The following ATXN10 variants were observed in gnomAD, a reference collection of about 807,000 sequenced individuals.
The protein encoded by ATXN10 is ataxin 10.
A neutral mutation model predicts 52.9 loss-of-function variants in ATXN10; 28 were observed. The ratio of observed to expected loss-of-function variants is 0.53; its 90% CI spans 0.39 to 0.73. ATXN10 has a LOEUF of 0.73. ATXN10 is among the 30% of genes least tolerant of loss of function. The probability of loss-of-function intolerance (pLI) is 0.00; values close to 1 mark genes in which losing one functional copy is unlikely to be tolerated. For missense variants in ATXN10, 565 were observed against 577.0 expected, an observed-to-expected ratio of 0.98 and a Z score of 0.21; for synonymous variants, 226 against 221.5, an observed-to-expected ratio of 1.02 and a Z score of -0.18.
intron 10 of ATXN10, among the ~76,000 whole-genome samples, chr22:45,813,998 A>C (rs945412691): frequency 3.9e-5 from 6 of 152,240 alleles, no homozygotes; most frequent in African/African-American, 1.4e-4. Flanking sequence ...GGACCAATTT[A>C]ATGTCCATAG....
At position 45,738,831 on chromosome 22, in the gene ATXN10, G is replaced by T; in HGVS notation, c.995G>T (p.Arg332Ile). ...YLQVFPGLLE[R>I]VIDLLRVIHV... ...CAGGTTTTCCCTGGCTTGCTGGAAA[G>T]AGTGATTGGTGAGTGAAATATCACA... The change falls in exon 8 of 12, where the codon AGA becomes ATA. Residue 332 changes from arginine to isoleucine, a missense_variant. Arg to Ile is a moderately conservative substitution (Grantham distance 97). Transcript: ENST00000252934. The T allele has an allele frequency of 6.2e-7, 1 of 1,613,488 alleles. No individual in the cohort carries two copies. The highest frequency in any genetic ancestry group is 8.5e-7 in the Non-Finnish European group (1 of 1,179,408).
In ATXN10 at chr22:45,718,141, G is replaced by T. The variant is rs1158832631; in HGVS notation, c.648-272G>T. 6.6e-6 allele frequency among the ~76,000 whole-genome samples: 1 copy of T among 152,158 alleles called. No individual in the cohort carries two copies. The highest frequency in any genetic ancestry group is 1.5e-5 in the Non-Finnish European group (1 of 68,026). ...TTTCTCAACTTAGATAACAGCTATA[G>T]TAGCCCTGTCTTCCCGTTGAATCAA... On this transcript the variant is annotated intron_variant, in intron 5 of 11. Transcript: ENST00000252934. The surrounding 1 kb of genome is among the most constrained non-coding windows in gnomAD (Gnocchi z 4.4).
chr22:45,791,927 G>T (rs1927526564), intron 9 of ATXN10, among the ~76,000 whole-genome samples: 1 of 152,058 alleles, frequency 6.6e-6, no homozygotes. Flanking sequence ...TTGTTAGTGA[G>T]TCTTGGTCAT....
In ATXN10 at chr22:45,833,966, C is replaced by CT. The variant is rs567873181; in HGVS notation, c.1238-9024dup. 9.8e-5 allele frequency among the ~76,000 whole-genome samples: 15 copies of CT among 152,296 alleles called. 1 individual carries two copies. The South Asian group carries it at 2.7e-3, about 27-fold the overall frequency. ...ACCTTGGCCATGTTCGCCTCTGTGT[C>CT]TAAGTTTTCTCATCAGTAGAATGAG... On this transcript the variant is annotated intron_variant, in intron 10 of 11. Transcript: ENST00000252934. The surrounding 1 kb of genome is among the most constrained non-coding windows in gnomAD (Gnocchi z 4.3).
intron 5 of ATXN10, among the ~76,000 whole-genome samples, chr22:45,710,562 A>C (rs777702219): frequency 6.6e-6 from 1 of 152,240 alleles, no homozygotes; most frequent in Non-Finnish European, 1.5e-5. Flanking sequence ...GACTAGCTCC[A>C]TAAGGCCCTG....
In ATXN10 at chr22:45,729,528, A is replaced by C. The variant is rs1925005151; in HGVS notation, c.832A>C (p.Thr278Pro). ...FLRHAELIAS[T>P]FVDQCKTVLK... ...GCGGCATGCTGAGTTGATTGCAAGC[A>C]CCTTTGTGGATCAGTGCAAGACTGT... The change falls in exon 7 of 12, where the codon ACC (threonine) becomes CCC (proline). Residue 278 changes from threonine (T) to proline (P), a missense_variant. Physicochemically the swap from Thr to Pro is conservative, Grantham distance 38. Coordinates refer to ENST00000252934, the MANE Select transcript of ATXN10 (RefSeq NM_013236.4). 6.2e-7 allele frequency: 1 copy of C among 1,614,008 alleles called. No individual in the cohort carries two copies. The highest frequency in any genetic ancestry group is 1.3e-5 in the African/African-American group (1 of 74,884).
chr22:45,721,385 A>C (rs973381610), intron 6 of ATXN10, among the ~76,000 whole-genome samples: 1 of 152,218 alleles, frequency 6.6e-6, no homozygotes, highest in Non-Finnish European at 1.5e-5. Context: ...TAATGAGAAT[A>C]ATAGTAGCTA....
At chr22:45,752,808 G>A (rs565147776) in intron 9 of ATXN10, among the ~76,000 whole-genome samples, 2 of 151,458 alleles carry the variant, frequency 1.3e-5, no homozygotes, top group East Asian at 1.9e-4. Context: ...GTGCGATCTC[G>A]ACGCAACCTC....
chr22:45,760,535 A>T (rs1256183047), intron 9 of ATXN10: 2 of 153,886 alleles, frequency 1.3e-5, no homozygotes, highest in Admixed American at 1.3e-4. Flanking sequence ...TGATACCCCA[A>T]ATCTTGATCA....
intron 9 of ATXN10, among the ~76,000 whole-genome samples, chr22:45,773,277 G>C (rs1316077929): frequency 6.6e-6 from 1 of 152,054 alleles, no homozygotes; most frequent in Non-Finnish European, 1.5e-5. Context: ...CATATCCTGT[G>C]AATAAGGATG....
chr22:45,710,250 A>G (rs138150), intron 5 of ATXN10, among the ~76,000 whole-genome samples: 111,782 of 152,110 alleles, frequency 0.73, 41,684 homozygotes, highest in Middle Eastern at 0.83. Context: ...CCTTAGTTCC[A>G]TCTGGTCTTA....
chr22:45,707,689 G>C (rs1175029553), intron 5 of ATXN10, among the ~76,000 whole-genome samples: 1 of 150,676 alleles, frequency 6.6e-6, no homozygotes, highest in African/African-American at 2.4e-5. Flanking sequence ...TCAAGTTAAA[G>C]GTATTAGAGA....
Position 45,774,097 on chromosome 22 carries a change from G to C in ATXN10, c.1174-32862G>C, listed in dbSNP as rs375217019. ...CATTTGATGCCATGTGCTTCAGCCAGCACCATTTCAGCATGTGCATGTGTG... is the reference window on the plus strand; with the variant it reads ...CATTTGATGCCATGTGCTTCAGCCACCACCATTTCAGCATGTGCATGTGTG... On this transcript the variant is annotated intron_variant, in intron 9 of 11. Transcript: ENST00000252934. The surrounding 1 kb of genome is among the most constrained non-coding windows in gnomAD (Gnocchi z 6.2). Among the ~76,000 whole-genome samples the C allele has an allele frequency of 2.2e-4, 34 of 152,360 alleles. No individual in the cohort carries two copies. Among genetic ancestry groups the C allele is most frequent in the African/African-American group, 8.2e-4 (34 of 41,580 alleles).
chr22:45,724,507 A>T (rs1006421559), intron 6 of ATXN10, among the ~76,000 whole-genome samples: 8 of 151,794 alleles, frequency 5.3e-5, no homozygotes, highest in Admixed American at 2.0e-4. Flanking sequence ...CCACTTTTTG[A>T]TGGAATTATT....
intron 10 of ATXN10, among the ~76,000 whole-genome samples, chr22:45,838,705 C>T (rs1929248074): frequency 6.6e-6 from 1 of 152,222 alleles, no homozygotes; most frequent in Admixed American, 6.5e-5. Flanking sequence ...ACAGGCTGCA[C>T]TCTAACAAGG....
chr22:45,700,585 G>A (rs1020224039), intron 4 of ATXN10, among the ~76,000 whole-genome samples: 2 of 152,026 alleles, frequency 1.3e-5, no homozygotes, highest in African/African-American at 4.8e-5. Flanking sequence ...CTTGACCTTG[G>A]TGGTGGTTAC....
chr22:45,707,021 A>C (rs976097543), intron 5 of ATXN10, among the ~76,000 whole-genome samples: 1 of 151,436 alleles, frequency 6.6e-6, no homozygotes, highest in African/African-American at 2.4e-5. Flanking sequence ...CCTTATTTTC[A>C]TGCTCTGTTA....
At chr22:45,752,887 C>T (rs868766835) in intron 9 of ATXN10, among the ~76,000 whole-genome samples, 4 of 152,054 alleles carry the variant, frequency 2.6e-5, no homozygotes, top group Non-Finnish European at 5.9e-5. Flanking sequence ...GCATGCGCCA[C>T]CATGCCCAGC....
rs908877244 is a variant in ATXN10, at chr22:45,732,415, C to T, written c.894+2825C>T. Reference sequence around the variant, plus strand: ...TTGAGGCTGCAGTGAGCTGTGATTGCGCTACTGCATTCCAGCCTGGGGAAG... The same window carrying T: ...TTGAGGCTGCAGTGAGCTGTGATTGTGCTACTGCATTCCAGCCTGGGGAAG... On this transcript the variant is annotated intron_variant, in intron 7 of 11. Transcript: ENST00000252934. The surrounding 1 kb of genome is among the most constrained non-coding windows in gnomAD (Gnocchi z 4.5). Among the ~76,000 whole-genome samples the T allele has an allele frequency of 4.6e-5, 7 of 151,944 alleles. No homozygotes were observed. Among genetic ancestry groups the T allele is most frequent in the African/African-American group, 1.5e-4 (6 of 41,368 alleles).
Sources: gnomAD v4.1 joint callset for allele counts (sites outside exome capture counted in the v4.1 genomes callset) on GRCh38, gnomAD v4.1.1 for gene constraint, Gnocchi (gnomAD v3.1) non-coding constraint, MANE v1.5 for transcripts, NCBI Gene and HGNC (gene_info 2026-07-23, HGNC 2026-07-21) for gene names.